The following ZNF469 variants were observed in gnomAD, a reference collection of about 807,000 sequenced individuals.
ZNF469 encodes zinc finger protein 469.
In ZNF469, 1 loss-of-function variant was observed where a neutral mutation model predicts 1.0. The observed-to-expected ratio is 1.00, with a 90% CI of 0.35 to 4.73. ZNF469 has a LOEUF of 4.73. Ranked by LOEUF, ZNF469 falls within the 30% of genes most tolerant of loss-of-function variation. The pLI is 0.16. For missense variants in ZNF469, 6,100 were observed against 5,356.3 expected, an observed-to-expected ratio of 1.14 and a Z score of -4.33; for synonymous variants, 2,703 against 2,363.4, an observed-to-expected ratio of 1.14 and a Z score of -4.17.
the ZNF469 span, among the ~76,000 whole-genome samples, chr16:88,124,939 T>G: frequency 4.6e-5 from 7 of 152,248 alleles, no homozygotes; most frequent in African/African-American, 1.4e-4. Flanking sequence ...ACTTTTTGTG[T>G]CCTATCCAAA....
the ZNF469 span, among the ~76,000 whole-genome samples, chr16:88,102,425 C>T: frequency 7.2e-4 from 110 of 152,346 alleles, 1 homozygote; most frequent in African/African-American, 2.4e-3. Context: ...GAGGCTGAAC[C>T]TGGGAGGTGG....
the ZNF469 span, among the ~76,000 whole-genome samples, chr16:88,305,595 C>A: frequency 1.3e-5 from 2 of 151,412 alleles, no homozygotes; most frequent in Admixed American, 1.3e-4. Flanking sequence ...CACACGCACA[C>A]CCTCACACAT....
the ZNF469 span, among the ~76,000 whole-genome samples, chr16:88,349,298 C>T: frequency 6.6e-6 from 1 of 152,028 alleles, no homozygotes; most frequent in East Asian, 1.9e-4. Context: ...CAGGTAGCAG[C>T]GAACACCACA....
Position 88,429,615 on chromosome 16 carries a change from C to T in ZNF469, c.2145C>T (p.His715=). The T allele has an allele frequency of 6.5e-7, 1 of 1,546,832 alleles. No individual in the cohort carries two copies. The highest frequency in any genetic ancestry group is 8.7e-7 in the Non-Finnish European group (1 of 1,144,596). The change falls in exon 3 of 3, where the codon CAC becomes CAT. Residue 715 remains histidine (H), a synonymous_variant. Coordinates refer to ENST00000565624, the MANE Select transcript of ZNF469 (RefSeq NM_001367624.2). ...GTGCGCCGCCTCCGTACCCCACACA[C>T]CACTTCTCCCTCAGCAGCGCCAGCC... is the stretch of plus-strand genomic sequence containing the variant. ...FPRAPPPYPT[H]HFSLSSASLD...
intron 1 of ZNF469, among the ~76,000 whole-genome samples, chr16:88,416,995 C>T (rs899800181): frequency 4.6e-5 from 7 of 152,222 alleles, no homozygotes; most frequent in Non-Finnish European, 1.0e-4. Context: ...GTGGAGTCTC[C>T]GTGGTACTCG....
chr16:88,286,844 G>A, the ZNF469 span, among the ~76,000 whole-genome samples: 1 of 152,128 alleles, frequency 6.6e-6, no homozygotes, highest in Non-Finnish European at 1.5e-5. Context: ...CATCCATCCA[G>A]GTCACATGAG....
chr16:88,167,518 G>A, the ZNF469 span, among the ~76,000 whole-genome samples: 5 of 152,152 alleles, frequency 3.3e-5, no homozygotes, highest in African/African-American at 1.2e-4. Context: ...ACTGCCCCCA[G>A]CCCACTGAGC....
the ZNF469 span, among the ~76,000 whole-genome samples, chr16:88,125,271 TTAAGA>T: frequency 1.3e-5 from 2 of 152,264 alleles, no homozygotes; most frequent in African/African-American, 4.8e-5. Flanking sequence ...ATACTATATC[TTAAGA>T]TAGTATGTCT....
At chr16:88,233,253 G>T in the ZNF469 span, among the ~76,000 whole-genome samples, 1 of 152,342 alleles carries the variant, frequency 6.6e-6, no homozygotes, top group South Asian at 2.1e-4. Context: ...CAGGTTCTTT[G>T]TGTGTGTAGC....
At chr16:88,227,804 A>T in the ZNF469 span, among the ~76,000 whole-genome samples, 5 of 152,232 alleles carry the variant, frequency 3.3e-5, no homozygotes, top group African/African-American at 1.2e-4. Flanking sequence ...CCCTGAAAGC[A>T]GAGGGCTGGC....
chr16:88,166,772 A>AACACACACACAC, the ZNF469 span, among the ~76,000 whole-genome samples: 7,523 of 145,772 alleles, frequency 0.052, 223 homozygotes, highest in Non-Finnish European at 0.058. The surrounding 1 kb of genome is among the most constrained non-coding windows in gnomAD (Gnocchi z 4.5). Flanking sequence ...CAGAATCATA[A>AACACACACACAC]ACACACACAC....
At chr16:88,135,054 G>C in the ZNF469 span, among the ~76,000 whole-genome samples, 2 of 152,220 alleles carry the variant, frequency 1.3e-5, no homozygotes, top group Admixed American at 6.5e-5. Context: ...CTGCCTCACC[G>C]ATGAAGCCAG....
the ZNF469 span, among the ~76,000 whole-genome samples, chr16:88,162,208 G>A: frequency 9.2e-5 from 14 of 152,202 alleles, no homozygotes; most frequent in Admixed American, 3.9e-4. Context: ...TCTTAGACTC[G>A]TAGGAAGGGT....
At chr16:88,112,240 A>T in the ZNF469 span, among the ~76,000 whole-genome samples, 1 of 152,142 alleles carries the variant, frequency 6.6e-6, no homozygotes, top group Non-Finnish European at 1.5e-5. Context: ...GAGTTCCAGT[A>T]AACACAGGAC....
At chr16:88,417,904 G>A (rs1006319324) in intron 1 of ZNF469, among the ~76,000 whole-genome samples, 2 of 152,236 alleles carry the variant, frequency 1.3e-5, no homozygotes, top group African/African-American at 4.8e-5. Flanking sequence ...GTGCTCACGC[G>A]TGTGCATGGA....
the ZNF469 span, among the ~76,000 whole-genome samples, chr16:88,143,075 C>A: frequency 6.6e-6 from 1 of 152,182 alleles, no homozygotes; most frequent in Non-Finnish European, 1.5e-5. Flanking sequence ...GATGGGGCCC[C>A]AGGCACTTCA....
At chr16:88,284,698 A>T in the ZNF469 span, among the ~76,000 whole-genome samples, 58 of 151,624 alleles carry the variant, frequency 3.8e-4, no homozygotes, top group Admixed American at 1.8e-3. Flanking sequence ...GGGTCCTCCC[A>T]AGGAGAGCAG....
At chr16:88,422,336 G>A (rs1905494315) in intron 1 of ZNF469, among the ~76,000 whole-genome samples, 2 of 149,292 alleles carry the variant, frequency 1.3e-5, no homozygotes, top group African/African-American at 5.0e-5. Context: ...TGGATGGATG[G>A]GTGAATGGGC....
At chr16:88,352,608 A>C in the ZNF469 span, among the ~76,000 whole-genome samples, 1 of 152,244 alleles carries the variant, frequency 6.6e-6, no homozygotes, top group Non-Finnish European at 1.5e-5. Context: ...AACTTCCCAG[A>C]ACTGGTAGAC....
Sources: gnomAD v4.1 joint callset for allele counts (sites outside exome capture counted in the v4.1 genomes callset) on GRCh38, gnomAD v4.1.1 for gene constraint, Gnocchi (gnomAD v3.1) non-coding constraint, MANE v1.5 for transcripts, NCBI Gene and HGNC (gene_info 2026-07-23, HGNC 2026-07-21) for gene names.